USF3: variants seen among roughly 807,000 people sequenced by gnomAD.
The protein encoded by USF3 is upstream transcription factor family member 3.
USF3 carries 29 observed loss-of-function variants against 157.5 expected under a neutral mutation model. The observed-to-expected ratio is 0.18, with a 90% CI of 0.14 to 0.25. The LOEUF (loss-of-function observed/expected upper bound fraction) is 0.25. Among genes scored for constraint, USF3 ranks in the 10% least tolerant of loss-of-function variants. The pLI, the probability that USF3 is intolerant of heterozygous loss-of-function variation, is 1.00. For synonymous variants in USF3, 893 were observed against 941.4 expected, an observed-to-expected ratio of 0.95 and a Z score of 0.94; for missense variants, 2,381 against 2,667.6, an observed-to-expected ratio of 0.89 and a Z score of 2.37.
At chr3:113,669,510 T>C (rs1707099792) in intron 5 of USF3, among the ~76,000 whole-genome samples, 1 of 152,158 alleles carries the variant, frequency 6.6e-6, no homozygotes, top group African/African-American at 2.4e-5. Flanking sequence ...GGGAGTAAGA[T>C]ATCAGTTTAT....
At chr3:113,682,006 A>T (rs1559722413) in intron 1 of USF3, among the ~76,000 whole-genome samples, 1 of 152,162 alleles carries the variant, frequency 6.6e-6, no homozygotes, top group Non-Finnish European at 1.5e-5. Context: ...GGCATGAACC[A>T]CCAGGGAAAC....
rs558927029 is a variant in USF3, at chr3:113,665,983, G to A, written c.160-1574C>T. On this transcript the variant is annotated intron_variant, in intron 5 of 6. Transcript: ENST00000316407. ...GCAGATCACCTGAGGTCAGGAGTTCGAAACCAGCCTGACCAACATGGAGAA... is the reference window on the plus strand; with the variant it reads ...GCAGATCACCTGAGGTCAGGAGTTCAAAACCAGCCTGACCAACATGGAGAA... 2.0e-5 allele frequency among the ~76,000 whole-genome samples: 3 copies of A among 152,126 alleles called. No homozygotes were observed. In the South Asian group the frequency reaches 6.2e-4, roughly 32 times the overall value.
In USF3 at chr3:113,659,895, G is replaced by A; in HGVS notation, c.1787C>T (p.Ala596Val). Residue 596 changes from alanine (A) to valine (V), a missense_variant, in exon 7 of 7, where the codon GCT (alanine) becomes GTT (valine). Ala to Val is a moderately conservative substitution (Grantham distance 64). Coordinates refer to ENST00000316407, the MANE Select transcript of USF3 (RefSeq NM_001009899.4). ...ANQNPLPLLP[A>V]PPPGSVRLPI... ...GAGTCGAACAGAACCAGGAGGTGGA[G>A]CAGGGAGGAGTGGCAAAGGATTCTG... The A allele has an allele frequency of 1.2e-6, 2 of 1,614,220 alleles. No homozygotes were observed. The highest frequency in any genetic ancestry group is 1.7e-6 in the Non-Finnish European group (2 of 1,180,032).
intron 6 of USF3, among the ~76,000 whole-genome samples, chr3:113,663,712 G>A (rs113565184): frequency 6.6e-6 from 1 of 152,220 alleles, no homozygotes; most frequent in African/African-American, 2.4e-5. Context: ...TGAGCTTTAC[G>A]CTTGCCTGGA....
At chr3:113,687,135 A>G (rs967828978) in intron 1 of USF3, among the ~76,000 whole-genome samples, 2 of 152,048 alleles carry the variant, frequency 1.3e-5, no homozygotes, top group African/African-American at 4.8e-5. Flanking sequence ...TCAGATCACA[A>G]TTCAATGCTA....
In USF3 at chr3:113,660,478, A is replaced by G; in HGVS notation, c.1204T>C (p.Cys402Arg). The stretch of plus-strand genomic sequence containing the variant: ...CTAACACTTGAAGAAGGCAAAGAAC[A>G]AGAAAGAGTCCAACCATTGTCCAAA... ...NPLDNGWTLS[C>R]SLPSSSVSTS... The change falls in exon 7 of 7, where the codon TGT (cysteine) becomes CGT (arginine). Residue 402 changes from cysteine (C) to arginine (R), a missense_variant. Coordinates refer to ENST00000316407, the MANE Select transcript of USF3 (RefSeq NM_001009899.4). 6.2e-7 allele frequency: 1 copy of G among 1,614,166 alleles called. No homozygotes were observed. The highest frequency in any genetic ancestry group is 1.1e-5 in the South Asian group (1 of 91,086).
Position 113,664,332 on chromosome 3 carries a change from A to G in USF3, c.237T>C (p.Asn79=), listed in dbSNP as rs749431913. Residue 79 remains asparagine, a synonymous_variant, in exon 6 of 7, where the codon AAT becomes AAC. Coordinates refer to ENST00000316407, the MANE Select transcript of USF3 (RefSeq NM_001009899.4). ...CTTTACCTTGTTCATTGTTTCCTCC[A>G]TTAAGCAGGAGTTCATCATTTTGCC... The part of the protein sequence containing the change: ...LKRQNDELLL[N]GGNNEQAEEI... 1.6e-5 allele frequency: 25 copies of G among 1,598,400 alleles called. No individual in the cohort carries two copies. The Admixed American group carries it at 3.9e-4, about 25-fold the overall frequency.
At chr3:113,688,980 G>C (rs534203972) in intron 1 of USF3, among the ~76,000 whole-genome samples, 1 of 152,094 alleles carries the variant, frequency 6.6e-6, no homozygotes, top group Non-Finnish European at 1.5e-5. Context: ...GCAGTGAGCC[G>C]AGATCATGCC....
chr3:113,688,112 C>T (rs553451697), intron 1 of USF3, among the ~76,000 whole-genome samples: 1 of 152,016 alleles, frequency 6.6e-6, no homozygotes, highest in Non-Finnish European at 1.5e-5. Flanking sequence ...GCAGGGAAGG[C>T]CCCCACTTTC....
At position 113,650,037 on chromosome 3, in the gene USF3, T is replaced by C; in HGVS notation, c.*4907A>G. On this transcript the variant is annotated 3_prime_UTR_variant, in exon 7 of 7. Transcript: ENST00000316407. The stretch of plus-strand genomic sequence containing the variant: ...ATCACTCACAGATTAACTTCACTAG[T>C]TTGTCTGGTTGTTGGCTATTACTGT... The C allele has an allele frequency of 1.7e-6, 1 of 598,492 alleles. No homozygotes were observed. The highest frequency in any genetic ancestry group is 3.0e-6 in the Non-Finnish European group (1 of 336,778). The allele number at this position is 598,492 out of a possible 1,614,324, so 37.1% of individuals were successfully genotyped here. A position where few individuals can be genotyped will look rare whatever the true frequency, so the allele number is the denominator to read the frequency against.
rs1461940706 is a variant in USF3 at position 113,652,387 on chromosome 3, T to G, written c.*2557A>C. On this transcript the variant is annotated 3_prime_UTR_variant, in exon 7 of 7. Transcript: ENST00000316407. ...TGACTACTGTGTTTATCTGTTGTCTTGAGTAACTTATTCATGAAGCTCTCC... is the reference window on the plus strand; with the variant it reads ...TGACTACTGTGTTTATCTGTTGTCTGGAGTAACTTATTCATGAAGCTCTCC... 9 of 152,098 alleles carry G rather than the reference T, an allele frequency of 5.9e-5. No individual in the cohort carries two copies. The highest frequency in any genetic ancestry group is 5.9e-4 in the Admixed American group (9 of 15,256). 9.4% of individuals were successfully genotyped at this position (152,098 alleles called of 1,614,324 possible).
rs373948637 is a variant in USF3 at position 113,666,887 on chromosome 3, C to T, written c.160-2478G>A. On this transcript the variant is annotated intron_variant, in intron 5 of 6. Coordinates refer to ENST00000316407, the MANE Select transcript of USF3 (RefSeq NM_001009899.4). ...ACAGGTGTGAGCCACTGTGCCCGGA[C>T]TACTTATTGTTGCTAATGACTGTAT... Among the ~76,000 whole-genome samples, 14 of 152,052 alleles carry T rather than the reference C, an allele frequency of 9.2e-5. No homozygotes were observed. The East Asian group carries it at 1.9e-3, about 21-fold the overall frequency.
At position 113,649,946 on chromosome 3, in the gene USF3, G is replaced by T; in HGVS notation, c.*4998C>A. 1 of 673,644 alleles carries T rather than the reference G, an allele frequency of 1.5e-6. No homozygotes were observed. The highest frequency in any genetic ancestry group is 2.7e-6 in the Non-Finnish European group (1 of 374,068). The allele number at this position is 673,644 out of a possible 1,614,324, so 41.7% of individuals were successfully genotyped here. A position where few individuals can be genotyped will look rare whatever the true frequency, so the allele number is the denominator to read the frequency against. The stretch of plus-strand genomic sequence containing the variant: ...GGGGAAAGAAAAATGGTAATGTTCA[G>T]CCAAAAAGGCATCTTGAGAAGAAAC... On this transcript the variant is annotated 3_prime_UTR_variant, in exon 7 of 7. Transcript: ENST00000316407.
intron 1 of USF3, among the ~76,000 whole-genome samples, chr3:113,693,965 G>C (rs547674056): frequency 4.1e-4 from 63 of 152,368 alleles, no homozygotes; most frequent in Middle Eastern, 6.8e-3. Flanking sequence ...GCTTTTGGAC[G>C]TAGTCTCATG....
intron 1 of USF3, among the ~76,000 whole-genome samples, chr3:113,692,023 C>G (rs181531737): frequency 1.5e-3 from 232 of 152,258 alleles, no homozygotes; most frequent in South Asian, 2.7e-3. Context: ...TGAAACTGTT[C>G]CATCTATCTC....
In USF3 at chr3:113,649,117, GA is replaced by G; in HGVS notation, c.*5826del. On this transcript the variant is annotated 3_prime_UTR_variant, in exon 7 of 7. Transcript: ENST00000316407. ...GGGGTGGGAGCACAGAGAAGTCTTA[GA>G]AAAGTGAAGGGATTTAGATACATCT... is the stretch of plus-strand genomic sequence containing the variant. 6.6e-6 allele frequency: 1 copy of G among 152,458 alleles called. No individual in the cohort carries two copies. The highest frequency in any genetic ancestry group is 1.5e-5 in the Non-Finnish European group (1 of 68,044). 9.4% of individuals were successfully genotyped at this position (152,458 alleles called of 1,614,324 possible).
Position 113,667,239 on chromosome 3 carries a change from G to T in USF3, c.160-2830C>A, listed in dbSNP as rs945965099. 2.6e-5 allele frequency among the ~76,000 whole-genome samples: 4 copies of T among 152,312 alleles called. No homozygotes were observed. In the South Asian group the frequency reaches 6.2e-4, roughly 24 times the overall value. ...AAAAACAATAATCTGAACAAAGGCA[G>T]AACCTGATAATTCCCAGCCACCTGT... On this transcript the variant is annotated intron_variant, in intron 5 of 6. Coordinates refer to ENST00000316407, the MANE Select transcript of USF3 (RefSeq NM_001009899.4).
rs1947278117 is a variant in USF3, at chr3:113,652,307, TAAGAG to T, written c.*2632_*2636del. ...TGAACGTTGCAGCTTAAAATTCAGT[TAAGAG>T]AATTAAAAAGCAAGTCATAAATGCC... On this transcript the variant is annotated 3_prime_UTR_variant, in exon 7 of 7. Transcript: ENST00000316407. The T allele has an allele frequency of 6.6e-6, 1 of 152,070 alleles. No individual in the cohort carries two copies. The highest frequency in any genetic ancestry group is 2.1e-4 in the South Asian group (1 of 4,826). 9.4% of individuals were successfully genotyped at this position (152,070 alleles called of 1,614,324 possible).
intron 1 of USF3, among the ~76,000 whole-genome samples, chr3:113,680,603 G>A (rs1707394292): frequency 6.6e-6 from 1 of 152,028 alleles, no homozygotes; most frequent in Non-Finnish European, 1.5e-5. Context: ...CTTGAGGTGA[G>A]GAGTTTAAGA....
Sources: gnomAD v4.1 joint callset for allele counts (sites outside exome capture counted in the v4.1 genomes callset) on GRCh38, gnomAD v4.1.1 for gene constraint, MANE v1.5 for transcripts, NCBI Gene and HGNC (gene_info 2026-07-23, HGNC 2026-07-21) for gene names.